TAFA1: variants seen among roughly 807,000 people sequenced by gnomAD.
The protein encoded by TAFA1 is TAFA chemokine like family member 1, also known as chemokine-like protein TAFA-1.
TAFA1 carries 4 observed loss-of-function variants against 18.5 expected under a neutral mutation model. The ratio of observed to expected loss-of-function variants is 0.22; its 90% CI spans 0.11 to 0.49. TAFA1 has a LOEUF of 0.49. Among genes scored for constraint, TAFA1 ranks in the 20% least tolerant of loss-of-function variants. The pLI is 0.98. For synonymous variants in TAFA1, 56 were observed against 55.2 expected (o/e 1.01, Z -0.06); for missense variants, 147 against 169.0 (o/e 0.87, Z 0.72).
chr3:68,252,974 G>A (rs909694707), intron 2 of TAFA1, among the ~76,000 whole-genome samples: 5 of 152,120 alleles, frequency 3.3e-5, no homozygotes, highest in African/African-American at 1.2e-4. Flanking sequence ...CAGGTGTCAT[G>A]CAAGATGTGT....
intron 2 of TAFA1, among the ~76,000 whole-genome samples, chr3:68,320,942 G>T (rs1257465454): frequency 6.6e-6 from 1 of 152,134 alleles, no homozygotes; most frequent in Admixed American, 6.5e-5. Flanking sequence ...GCTGGGCATG[G>T]TCTAGCCCTA....
At chr3:68,105,410 C>T (rs770300554) in intron 2 of TAFA1, among the ~76,000 whole-genome samples, 1 of 152,078 alleles carries the variant, frequency 6.6e-6, no homozygotes, top group Non-Finnish European at 1.5e-5. Context: ...GCCAGTTAAA[C>T]AAACATGTTT....
chr3:68,071,092 C>A (rs1403996836), intron 2 of TAFA1, among the ~76,000 whole-genome samples: 8 of 152,194 alleles, frequency 5.3e-5, no homozygotes, highest in Non-Finnish European at 1.2e-4. Context: ...TCTCCTGGTC[C>A]CAATTTACTG....
At chr3:68,171,718 C>G (rs567076279) in intron 2 of TAFA1, among the ~76,000 whole-genome samples, 25 of 152,014 alleles carry the variant, frequency 1.6e-4, no homozygotes, top group Non-Finnish European at 2.6e-4. Context: ...ACAGCAATGT[C>G]TTGCCAAATA....
rs535252503 is a variant in TAFA1, at chr3:68,284,535, C to T, written c.119-132745C>T. On this transcript the variant is annotated intron_variant, in intron 2 of 4. Coordinates refer to ENST00000478136, the MANE Select transcript of TAFA1 (RefSeq NM_213609.4). ...CAATCATGCTTTTAGCAGCTTTCTT[C>T]GCAGTAGCCAAAATTGGAAACTACC... 7.0e-4 allele frequency among the ~76,000 whole-genome samples: 107 copies of T among 152,262 alleles called. 1 individual carries two copies. Among genetic ancestry groups the T allele is most frequent in the Admixed American group, 3.8e-3 (58 of 15,278 alleles).
At chr3:68,019,863 C>T (rs773599360) in intron 2 of TAFA1, among the ~76,000 whole-genome samples, 29 of 152,316 alleles carry the variant, frequency 1.9e-4, no homozygotes, top group South Asian at 4.1e-4. Context: ...CCCATTCTTC[C>T]TATGATTTTG....
chr3:68,279,192 T>TA (rs1252623394), intron 2 of TAFA1, among the ~76,000 whole-genome samples: 5 of 152,174 alleles, frequency 3.3e-5, no homozygotes, highest in African/African-American at 7.2e-5. Context: ...CCAGGATAGC[T>TA]AAAAAATATT....
At chr3:68,267,455 A>C (rs958623496) in intron 2 of TAFA1, among the ~76,000 whole-genome samples, 6 of 152,168 alleles carry the variant, frequency 3.9e-5, no homozygotes, top group South Asian at 4.1e-4. Flanking sequence ...TGAAGCCAAA[A>C]TATGAGGTGC....
At position 68,205,625 on chromosome 3, in the gene TAFA1, A is replaced by G. The variant is rs932657146; in HGVS notation, c.118+198881A>G. ...CCTGAAGACTAGAAAACGTCCCTAG[A>G]TGATCTTTCCTTCAACTACTACATT... On this transcript the variant is annotated intron_variant, in intron 2 of 4. Transcript: ENST00000478136. 2.0e-5 allele frequency among the ~76,000 whole-genome samples: 3 copies of G among 151,892 alleles called. 1 individual carries two copies. The highest frequency in any genetic ancestry group is 2.0e-4 in the Admixed American group (3 of 15,232).
At chr3:68,496,441 T>A (rs925091093) in intron 3 of TAFA1, among the ~76,000 whole-genome samples, 1 of 152,158 alleles carries the variant, frequency 6.6e-6, no homozygotes, top group African/African-American at 2.4e-5. Context: ...CTAGTCTCAA[T>A]GCTCTGAGAA....
chr3:68,287,920 G>GGGGGT (rs1559600679), intron 2 of TAFA1, among the ~76,000 whole-genome samples: 1 of 108,266 alleles, frequency 9.2e-6, no homozygotes, highest in Non-Finnish European at 2.0e-5. Context: ...GGGGTGGGGG[G>GGGGGT]GCTTTTTGAA....
At chr3:68,160,756 G>T (rs1050143617) in intron 2 of TAFA1, among the ~76,000 whole-genome samples, 4 of 152,198 alleles carry the variant, frequency 2.6e-5, no homozygotes, top group Non-Finnish European at 5.9e-5. Context: ...TCCATTCAGA[G>T]GGTCAGGGTC....
chr3:68,153,997 T>G (rs945946449), intron 2 of TAFA1, among the ~76,000 whole-genome samples: 1 of 152,168 alleles, frequency 6.6e-6, no homozygotes, highest in African/African-American at 2.4e-5. Flanking sequence ...AGGCCTTTTA[T>G]TAGTAAGAGT....
chr3:68,044,294 G>T (rs757579266), intron 2 of TAFA1, among the ~76,000 whole-genome samples: 13 of 152,130 alleles, frequency 8.5e-5, no homozygotes, highest in Non-Finnish European at 1.3e-4. Context: ...ACTCAATGAT[G>T]GTAGGGACTT....
chr3:68,144,980 T>C, intron 2 of TAFA1: 1 of 1,215,368 alleles, frequency 8.2e-7, no homozygotes, highest in Non-Finnish European at 1.2e-6. Context: ...TCAAGATGCC[T>C]AGGCCCGGAG....
intron 2 of TAFA1, among the ~76,000 whole-genome samples, chr3:68,408,528 A>C (rs1287740562): frequency 4.6e-5 from 7 of 152,152 alleles, no homozygotes; most frequent in Admixed American, 6.6e-5. Flanking sequence ...CCGAAAAAGG[A>C]TTAATTTATA....
intron 2 of TAFA1, among the ~76,000 whole-genome samples, chr3:68,255,241 A>G (rs2107176369): frequency 6.6e-6 from 1 of 152,258 alleles, no homozygotes; most frequent in Non-Finnish European, 1.5e-5. Context: ...TTAGTTCTCA[A>G]ATAACTTTTT....
chr3:68,159,561 C>T lies in TAFA1; in HGVS notation c.118+152817C>T, dbSNP rs6782344. 5.9e-5 allele frequency among the ~76,000 whole-genome samples: 9 copies of T among 152,022 alleles called. No homozygotes were observed. The South Asian group carries it at 1.0e-3, about 17-fold the overall frequency. On this transcript the variant is annotated intron_variant, in intron 2 of 4. Transcript: ENST00000478136. ...TCTTCTCCACTTCCCCCTGCTCCCC[C>T]CTTCCTACTTAGTTTTTTAGAGATG... is the stretch of plus-strand genomic sequence containing the variant.
At chr3:68,242,414 A>T (rs78909683) in intron 2 of TAFA1, among the ~76,000 whole-genome samples, 1 of 152,176 alleles carries the variant, frequency 6.6e-6, no homozygotes. Flanking sequence ...AATGTGACAT[A>T]TGAAGCAACC....
Sources: gnomAD v4.1 joint callset for allele counts (sites outside exome capture counted in the v4.1 genomes callset) on GRCh38, gnomAD v4.1.1 for gene constraint, MANE v1.5 for transcripts, NCBI Gene and HGNC (gene_info 2026-07-23, HGNC 2026-07-21) for gene names.